CCDC171: variants seen among roughly 807,000 people sequenced by gnomAD.
CCDC171 encodes coiled-coil domain-containing protein 171.
In CCDC171, 177 loss-of-function variants were observed where a neutral mutation model predicts 168.2. The observed-to-expected ratio is 1.05, with a 90% CI of 0.93 to 1.19. CCDC171 has a LOEUF of 1.19. Among genes scored for constraint, CCDC171 ranks in the 50% most tolerant of loss-of-function variants. The pLI is 0.00. For synonymous variants in CCDC171, 687 were observed against 540.8 expected (o/e 1.27, Z -3.75); for missense variants, 1,991 against 1,539.0 (o/e 1.29, Z -4.91).
chr9:15,991,958 G>T (rs895888571), intron 3 of CCDC171, among the ~76,000 whole-genome samples: 9 of 152,156 alleles, frequency 5.9e-5, no homozygotes, highest in Non-Finnish European at 1.0e-4. Flanking sequence ...ACCAAAAAAA[G>T]TCCGGGATCA....
At chr9:15,953,104 T>G (rs951302851) in intron 25 of CCDC171, among the ~76,000 whole-genome samples, 1 of 152,206 alleles carries the variant, frequency 6.6e-6, no homozygotes, top group Non-Finnish European at 1.5e-5. Flanking sequence ...GTTTTCTACA[T>G]GTAAGAGCAT....
At chr9:15,934,881 T>A (rs370167011) in intron 25 of CCDC171, among the ~76,000 whole-genome samples, 1 of 152,032 alleles carries the variant, frequency 6.6e-6, no homozygotes, top group East Asian at 1.9e-4. Flanking sequence ...GAAATCGTTA[T>A]GCTAAGTGAA....
At chr9:15,572,175 A>T (rs1331905383) in intron 3 of CCDC171, among the ~76,000 whole-genome samples, 1 of 152,096 alleles carries the variant, frequency 6.6e-6, no homozygotes, top group African/African-American at 2.4e-5. Flanking sequence ...TTAGTTTATA[A>T]GTCATTATTT....
chr9:15,996,202 T>C (rs1036460873), intron 3 of CCDC171, among the ~76,000 whole-genome samples: 2 of 152,154 alleles, frequency 1.3e-5, no homozygotes, highest in Non-Finnish European at 2.9e-5. Context: ...TTTGACATTT[T>C]GAACAGTTTA....
intron 6 of CCDC171, among the ~76,000 whole-genome samples, chr9:15,602,260 A>G (rs1244258227): frequency 1.4e-5 from 2 of 146,200 alleles, no homozygotes; most frequent in Non-Finnish European, 3.1e-5. Context: ...CCTGAGGGAT[A>G]GAGTGAAATT....
intron 4 of CCDC171, among the ~76,000 whole-genome samples, chr9:15,584,398 T>A (rs1433765470): frequency 2.0e-5 from 3 of 152,208 alleles, no homozygotes; most frequent in Non-Finnish European, 4.4e-5. Context: ...CCTCCAGATA[T>A]GAAGACGCAA....
At chr9:15,571,187 G>C (rs929036972) in intron 2 of CCDC171, among the ~76,000 whole-genome samples, 4 of 152,046 alleles carry the variant, frequency 2.6e-5, no homozygotes, top group African/African-American at 9.7e-5. Context: ...TCTGTTTGCT[G>C]TTATTTTAAT....
At chr9:16,048,959 A>AC (rs1833708539) in intron 1 of CCDC171, among the ~76,000 whole-genome samples, 2 of 151,720 alleles carry the variant, frequency 1.3e-5, no homozygotes, top group South Asian at 2.1e-4. Flanking sequence ...CAAAAAAAAA[A>AC]AAAACCCAAA....
At chr9:15,606,652 C>G (rs2043250102) in intron 6 of CCDC171, among the ~76,000 whole-genome samples, 2 of 152,110 alleles carry the variant, frequency 1.3e-5, no homozygotes, top group Admixed American at 1.3e-4. Flanking sequence ...TGGAACGGAA[C>G]TGTATTTTGG....
At chr9:15,608,895 C>G (rs1475306907) in intron 6 of CCDC171, among the ~76,000 whole-genome samples, 1 of 126,042 alleles carries the variant, frequency 7.9e-6, no homozygotes, top group Non-Finnish European at 1.6e-5. Flanking sequence ...GAGGTCAAGG[C>G]TGCATTGTCC....
At chr9:15,579,744 T>C (rs2040967066) in intron 4 of CCDC171, among the ~76,000 whole-genome samples, 1 of 152,314 alleles carries the variant, frequency 6.6e-6, no homozygotes, top group South Asian at 2.1e-4. Flanking sequence ...ATATATTCTT[T>C]TTTTTCTGGC....
At chr9:15,596,267 TA>T (rs1227588770) in intron 6 of CCDC171, among the ~76,000 whole-genome samples, 2 of 152,110 alleles carry the variant, frequency 1.3e-5, no homozygotes, top group African/African-American at 4.8e-5. Context: ...CTAGGGTTTT[TA>T]TGGTTTCAGG....
intron 7 of CCDC171, among the ~76,000 whole-genome samples, chr9:15,654,988 C>T (rs2047812887): frequency 6.6e-6 from 1 of 152,074 alleles, no homozygotes; most frequent in Middle Eastern, 3.2e-3. Flanking sequence ...ACAATGAGAA[C>T]ACATGGACAC....
At chr9:15,813,011 C>T (rs2059421881) in intron 21 of CCDC171, among the ~76,000 whole-genome samples, 1 of 152,120 alleles carries the variant, frequency 6.6e-6, no homozygotes, top group Admixed American at 6.5e-5. Context: ...TTAGGTTGTC[C>T]TCTTTGGGGA....
chr9:15,800,227 C>T (rs2058754098), intron 21 of CCDC171, among the ~76,000 whole-genome samples: 1 of 152,076 alleles, frequency 6.6e-6, no homozygotes, highest in African/African-American at 2.4e-5. Flanking sequence ...ATTTACATTC[C>T]CACCAACAGC....
intron 2 of CCDC171, among the ~76,000 whole-genome samples, chr9:15,566,324 G>T (rs1207094874): frequency 1.3e-5 from 2 of 152,048 alleles, no homozygotes; most frequent in African/African-American, 4.8e-5. Context: ...TTGGGAGGCT[G>T]AGGTGGGTGG....
At chr9:15,824,366 A>G (rs2059925396) in intron 21 of CCDC171, among the ~76,000 whole-genome samples, 1 of 152,006 alleles carries the variant, frequency 6.6e-6, no homozygotes, top group African/African-American at 2.4e-5. Context: ...ATATATGTGT[A>G]TATATATGTC....
intron 6 of CCDC171, among the ~76,000 whole-genome samples, chr9:15,620,090 G>A (rs549703219): frequency 5.3e-5 from 8 of 152,294 alleles, no homozygotes; most frequent in African/African-American, 1.7e-4. Flanking sequence ...GAAGAGCGCT[G>A]ATGGTTATGT....
At chr9:15,868,360 G>C (rs919252143) in intron 23 of CCDC171, among the ~76,000 whole-genome samples, 1 of 152,128 alleles carries the variant, frequency 6.6e-6, no homozygotes, top group East Asian at 1.9e-4. Context: ...AGCTGGAACT[G>C]TTGCTTATAT....
Sources: gnomAD v4.1 joint callset for allele counts (sites outside exome capture counted in the v4.1 genomes callset) on GRCh38, gnomAD v4.1.1 for gene constraint, MANE v1.5 for transcripts, NCBI Gene and HGNC (gene_info 2026-07-23, HGNC 2026-07-21) for gene names.